The following RB1 variants were observed in gnomAD, a reference collection of about 807,000 sequenced individuals.
The protein encoded by RB1 is RB transcriptional corepressor 1.
Under a neutral mutation model 135.4 loss-of-function variants are expected in RB1, and 18 were observed. The observed-to-expected ratio is 0.13, with a 90% confidence interval of 0.09 to 0.20. The LOEUF (loss-of-function observed/expected upper bound fraction) is 0.20, where lower values mean the gene tolerates loss of function less well. Ranked by LOEUF, RB1 falls within the 10% of genes least tolerant of loss-of-function variation. RB1 has a pLI of 1.00. For synonymous variants in RB1, 365 were observed against 373.2 expected (o/e 0.98, Z 0.25); for missense variants, 868 against 1,110.0 (o/e 0.78, Z 3.10).
chr13:48,368,544 C>T lies in RB1; in HGVS notation c.1067C>T (p.Thr356Ile), dbSNP rs774525913. ...DSIDSFETQRTPRKSNLDEEV... is the reference protein window; with the variant it reads ...DSIDSFETQRIPRKSNLDEEV... Reference sequence around the variant, plus strand: ...TTATTTAGTTTTGAAACACAGAGAACACCACGAAAAAGTAACCTTGATGAA... The same window carrying T: ...TTATTTAGTTTTGAAACACAGAGAATACCACGAAAAAGTAACCTTGATGAA... Residue 356 changes from threonine to isoleucine, a missense_variant, in exon 11 of 27, where the codon ACA becomes ATA. By Grantham distance (89) the Thr-to-Ile change is moderately conservative (BLOSUM62 -1). Around this residue, in one of 3 missense-constraint regions of RB1, gnomAD observed 641 missense variants for 791.3 expected, o/e 0.81. Transcript: ENST00000267163. 7 of 1,613,364 alleles carry T rather than the reference C, an allele frequency of 4.3e-6. No homozygotes were observed. Among genetic ancestry groups the T allele is most frequent in the South Asian group, 3.3e-5 (3 of 91,050 alleles).
At chr13:48,318,008 C>T (rs1016468289) in intron 2 of RB1, 3 of 498,058 alleles carry the variant, frequency 6.0e-6, no homozygotes, top group Non-Finnish European at 1.1e-5. Flanking sequence ...CACTGAACTC[C>T]TGTCGTCAGA....
chr13:48,351,131 C>A (rs900622104), intron 6 of RB1, among the ~76,000 whole-genome samples: 1 of 152,062 alleles, frequency 6.6e-6, no homozygotes, highest in African/African-American at 2.4e-5. Context: ...GGTAGTTCTG[C>A]TTTTAGCTCT....
intron 2 of RB1, chr13:48,320,049 C>T (rs2138054445): frequency 5.8e-6 from 3 of 515,578 alleles, no homozygotes; most frequent in Admixed American, 3.0e-5. Context: ...CCGGGCTGTG[C>T]GGCTCCACTC....
chr13:48,465,309 G>C lies in RB1; in HGVS notation c.2430G>C (p.Lys810Asn), dbSNP rs2138345985. 6.2e-7 allele frequency: 1 copy of C among 1,611,340 alleles called. No homozygotes were observed. The highest frequency in any genetic ancestry group is 2.2e-5 in the East Asian group (1 of 44,846). The change falls in exon 23 of 27, where the codon AAG (lysine) becomes AAC (asparagine). Residue 810 changes from lysine (K) to asparagine (N), a missense_variant. Physicochemically the swap from Lys to Asn is moderately conservative, Grantham distance 94 (BLOSUM62 0). Coordinates refer to ENST00000267163, the MANE Select transcript of RB1 (RefSeq NM_000321.3). ...PGGNIYISPL[K>N]SPYKISEGLP... ...GGAACATCTATATTTCACCCCTGAA[G>C]AGTCCATATAAAATTTCAGAAGGTC...
intron 17 of RB1, among the ~76,000 whole-genome samples, chr13:48,440,974 A>G (rs972066483): frequency 1.3e-5 from 2 of 152,210 alleles, no homozygotes; most frequent in African/African-American, 4.8e-5. Flanking sequence ...CAGACATTCT[A>G]AGGATGACCT....
intron 2 of RB1, among the ~76,000 whole-genome samples, chr13:48,340,538 T>A (rs1952432873): frequency 6.6e-6 from 1 of 150,478 alleles, no homozygotes; most frequent in Admixed American, 6.6e-5. Context: ...AACAACATAC[T>A]AAATTTTAGC....
At chr13:48,329,609 A>G (rs1023045706) in intron 2 of RB1, among the ~76,000 whole-genome samples, 1 of 152,164 alleles carries the variant, frequency 6.6e-6, no homozygotes, top group African/African-American at 2.4e-5. Context: ...ACGAGACTTA[A>G]TGGTTAATGA....
intron 17 of RB1, among the ~76,000 whole-genome samples, chr13:48,388,712 G>T (rs1373385192): frequency 6.6e-6 from 1 of 152,110 alleles, no homozygotes; most frequent in Non-Finnish European, 1.5e-5. Context: ...TCACTTAAGG[G>T]GAGAATATAG....
chr13:48,455,117 G>C (rs977478226), intron 18 of RB1, among the ~76,000 whole-genome samples: 1 of 152,146 alleles, frequency 6.6e-6, no homozygotes, highest in African/African-American at 2.4e-5. Context: ...GAGATCTGGG[G>C]TGTATTTAGA....
chr13:48,430,188 A>G (rs1330453571), intron 17 of RB1, among the ~76,000 whole-genome samples: 1 of 152,220 alleles, frequency 6.6e-6, no homozygotes, highest in African/African-American at 2.4e-5. Context: ...CTTTAGTTAT[A>G]AGGAGTCCAG....
At chr13:48,385,671 TCA>T (rs1245227386) in intron 17 of RB1, among the ~76,000 whole-genome samples, 3 of 152,128 alleles carry the variant, frequency 2.0e-5, no homozygotes, top group Non-Finnish European at 2.9e-5. Context: ...TTCCTGTGTG[TCA>T]CAGACTCAGA....
At chr13:48,305,964 T>C (rs1396159822) in intron 1 of RB1, among the ~76,000 whole-genome samples, 7 of 152,202 alleles carry the variant, frequency 4.6e-5, no homozygotes, top group Non-Finnish European at 8.8e-5. Context: ...ATTGTTGAAA[T>C]AATCAAAGGT....
chr13:48,340,022 A>C, intron 2 of RB1, among the ~76,000 whole-genome samples: 1 of 152,184 alleles, frequency 6.6e-6, no homozygotes, highest in Non-Finnish European at 1.5e-5. Context: ...TTATAAGTTC[A>C]TTTTCTACAG....
chr13:48,429,099 G>T (rs1566222596), intron 17 of RB1, among the ~76,000 whole-genome samples: 1 of 152,100 alleles, frequency 6.6e-6, no homozygotes, highest in Non-Finnish European at 1.5e-5. Context: ...ATTTATATTT[G>T]CTGATTTTTC....
chr13:48,448,984 C>T (rs1180120300), intron 17 of RB1, among the ~76,000 whole-genome samples: 1 of 152,070 alleles, frequency 6.6e-6, no homozygotes, highest in Non-Finnish European at 1.5e-5. Context: ...TTTTTTAAAA[C>T]TTGTTCTTCA....
At chr13:48,387,272 T>C (rs771190129) in intron 17 of RB1, among the ~76,000 whole-genome samples, 26 of 152,218 alleles carry the variant, frequency 1.7e-4, no homozygotes, top group Non-Finnish European at 1.5e-4. Context: ...CATTAAAAAT[T>C]ATTTATGTTA....
chr13:48,477,470 G>T (rs890742046), intron 26 of RB1, 66 bp downstream of exon 26: 2 of 1,289,356 alleles, frequency 1.6e-6, no homozygotes, highest in African/African-American at 2.9e-5. Context: ...AAGTCTTTTC[G>T]TTATATAAAA....
At chr13:48,461,275 G>T (rs76140905) in intron 20 of RB1, among the ~76,000 whole-genome samples, 14 of 151,974 alleles carry the variant, frequency 9.2e-5, no homozygotes, top group Non-Finnish European at 1.5e-4. Context: ...GTGGTCTTTT[G>T]TGTATGGCTT....
At chr13:48,323,723 A>G (rs1036369047) in intron 2 of RB1, among the ~76,000 whole-genome samples, 8 of 152,014 alleles carry the variant, frequency 5.3e-5, no homozygotes, top group African/African-American at 1.9e-4. Context: ...GGCCAATATT[A>G]TTTACTACAG....
Sources: gnomAD v4.1 joint callset for allele counts (sites outside exome capture counted in the v4.1 genomes callset) on GRCh38, gnomAD v4.1.1 for gene constraint, gnomAD v4.1.1 regional missense constraint, MANE v1.5 for transcripts, NCBI Gene and HGNC (gene_info 2026-07-23, HGNC 2026-07-21) for gene names.